The following DCC variants were observed in gnomAD, a reference collection of about 807,000 sequenced individuals.
DCC encodes the protein netrin receptor DCC.
Under a neutral mutation model 172.5 loss-of-function variants are expected in DCC, and 58 were observed. That is an observed-to-expected ratio of 0.34 (90% CI 0.27 to 0.42). DCC has a LOEUF of 0.42. Ranked by LOEUF, DCC falls within the 10% of genes least tolerant of loss-of-function variation. The pLI is 1.00. For synonymous variants in DCC, 709 were observed against 644.5 expected, an observed-to-expected ratio of 1.10 and a Z score of -1.52; for missense variants, 1,740 against 1,791.0, an observed-to-expected ratio of 0.97 and a Z score of 0.51.
At chr18:52,860,804 C>T (rs1467716547) in intron 2 of DCC, among the ~76,000 whole-genome samples, 3 of 152,078 alleles carry the variant, frequency 2.0e-5, no homozygotes, top group African/African-American at 7.2e-5. Context: ...CCGAGACCAT[C>T]CTGGCTAACA....
At chr18:52,680,042 G>A (rs1377885561) in intron 1 of DCC, among the ~76,000 whole-genome samples, 1 of 152,062 alleles carries the variant, frequency 6.6e-6, no homozygotes, top group Non-Finnish European at 1.5e-5. Flanking sequence ...TAAAATACAT[G>A]TATTATGTGG....
intron 12 of DCC, among the ~76,000 whole-genome samples, chr18:53,221,761 T>C (rs2055935761): frequency 6.6e-6 from 1 of 152,208 alleles, no homozygotes; most frequent in Non-Finnish European, 1.5e-5. Flanking sequence ...ATCCCCTTTC[T>C]TATAGAGAAA....
chr18:52,935,545 C>T (rs965171384), intron 5 of DCC, among the ~76,000 whole-genome samples: 7 of 151,960 alleles, frequency 4.6e-5, no homozygotes, highest in Non-Finnish European at 8.8e-5. Context: ...ATTGATATGG[C>T]TTTTTTCCTT....
In DCC at chr18:53,261,924, C is replaced by G. The variant is rs1435536339; in HGVS notation, c.1912-43654C>G. On this transcript the variant is annotated intron_variant, in intron 12 of 28. Transcript: ENST00000442544. ...GCTATCAGCACCTGGGAACGTTTCTCAGAAGAAATGTTTAATAGGGACTTA... is the reference window on the plus strand; with the variant it reads ...GCTATCAGCACCTGGGAACGTTTCTGAGAAGAAATGTTTAATAGGGACTTA... Among the ~76,000 whole-genome samples, 3 of 152,118 alleles carry G rather than the reference C, an allele frequency of 2.0e-5. No homozygotes were observed. The South Asian group carries it at 6.2e-4, about 31-fold the overall frequency.
intron 9 of DCC, among the ~76,000 whole-genome samples, chr18:53,190,117 G>A (rs1568355667): frequency 6.6e-6 from 1 of 152,154 alleles, no homozygotes; most frequent in East Asian, 1.9e-4. Context: ...GCAGACACCA[G>A]GTTTCTCCAT....
chr18:53,030,715 T>C (rs375913749), intron 5 of DCC, among the ~76,000 whole-genome samples: 84 of 152,298 alleles, frequency 5.5e-4, no homozygotes, highest in East Asian at 3.7e-3. Flanking sequence ...TTGGGCATCA[T>C]CCTGGTGGGA....
At chr18:53,159,009 G>GA (rs2054793624) in intron 8 of DCC, among the ~76,000 whole-genome samples, 2 of 52,926 alleles carry the variant, frequency 3.8e-5, no homozygotes, top group Admixed American at 6.0e-4. Context: ...AAAAAAAGAA[G>GA]AAGATGTAGG....
chr18:53,407,635 T>C (rs1909752109), intron 19 of DCC, among the ~76,000 whole-genome samples: 1 of 149,266 alleles, frequency 6.7e-6, no homozygotes, highest in Admixed American at 6.7e-5. Context: ...ATATTTCATA[T>C]ATATCTATAA....
intron 7 of DCC, among the ~76,000 whole-genome samples, chr18:53,090,127 G>A (rs1014339610): frequency 6.6e-6 from 1 of 152,098 alleles, no homozygotes; most frequent in African/African-American, 2.4e-5. Context: ...TCTAATGAAA[G>A]TCATTATCCC....
intron 11 of DCC, among the ~76,000 whole-genome samples, chr18:53,208,327 GA>G (rs1167507083): frequency 2.6e-5 from 4 of 151,568 alleles, no homozygotes; most frequent in Non-Finnish European, 5.9e-5. Flanking sequence ...ATATACTCTT[GA>G]GTCAGTATAT....
chr18:53,493,640 A>G lies in DCC; in HGVS notation c.3899-5658A>G, dbSNP rs114421735. ...CCCTTTATCATTGTTGATTGTGCCT[A>G]TTTGATTCTTCTCTCTTTTCTTCTT... is the stretch of plus-strand genomic sequence containing the variant. On this transcript the variant is annotated intron_variant, in intron 26 of 28. Transcript: ENST00000442544. 1.7e-3 allele frequency among the ~76,000 whole-genome samples: 257 copies of G among 152,178 alleles called. 1 individual carries two copies. The highest frequency in any genetic ancestry group is 5.8e-3 in the African/African-American group (241 of 41,516).
intron 2 of DCC, among the ~76,000 whole-genome samples, chr18:52,889,140 GA>G (rs2039611872): frequency 6.6e-6 from 1 of 151,960 alleles, no homozygotes; most frequent in South Asian, 2.1e-4. Context: ...TAATATATAA[GA>G]TATGGAACTA....
At chr18:52,700,280 GCACACACA>G (rs2036095664) in intron 1 of DCC, among the ~76,000 whole-genome samples, 2 of 75,806 alleles carry the variant, frequency 2.6e-5, no homozygotes, top group African/African-American at 5.4e-5. Context: ...GTGCACACAT[GCACACACA>G]TGCACATCCA....
intron 1 of DCC, among the ~76,000 whole-genome samples, chr18:52,546,038 T>G (rs894757722): frequency 6.6e-6 from 1 of 152,210 alleles, no homozygotes. Context: ...TGGAATACTA[T>G]TTTAGGTCCT....
chr18:52,740,294 T>C (rs1222222786), intron 1 of DCC, among the ~76,000 whole-genome samples: 1 of 152,164 alleles, frequency 6.6e-6, no homozygotes, highest in Non-Finnish European at 1.5e-5. Flanking sequence ...TAAAACTCAT[T>C]GGTGCTTAGT....
At position 53,063,401 on chromosome 18, in the gene DCC, C is replaced by T; in HGVS notation, c.1082C>T (p.Thr361Ile). The change falls in exon 6 of 29, where the codon ACT becomes ATT. Residue 361 changes from threonine to isoleucine, a missense_variant. Coordinates refer to ENST00000442544, the MANE Select transcript of DCC (RefSeq NM_005215.4). Reference protein sequence around the residue: ...ECTVSGKPVPTVNWMKNGDVV... With the variant: ...ECTVSGKPVPIVNWMKNGDVV... ...ACAGTCTCTGGAAAGCCTGTGCCCA[C>T]TGTGAATTGGATGAAGAATGGAGAT... 1 of 1,612,362 alleles carries T rather than the reference C, an allele frequency of 6.2e-7. No homozygotes were observed. The highest frequency in any genetic ancestry group is 8.5e-7 in the Non-Finnish European group (1 of 1,178,664).
intron 2 of DCC, among the ~76,000 whole-genome samples, chr18:52,783,383 A>G (rs951749997): frequency 1.7e-5 from 2 of 117,292 alleles, no homozygotes; most frequent in South Asian, 2.6e-4. Context: ...GTTGAAGTAC[A>G]TAAAAATGCT....
intron 1 of DCC, among the ~76,000 whole-genome samples, chr18:52,479,589 C>T (rs947016629): frequency 7.0e-6 from 1 of 142,702 alleles, no homozygotes; most frequent in Non-Finnish European, 1.6e-5. Flanking sequence ...CACCCCCCCC[C>T]CGTCTCCCTT....
rs995767654 is a variant in DCC at position 53,033,395 on chromosome 18, T to C, written c.986-29910T>C. ...AAGCACTGTGAGATGGGTGACTCTT[T>C]CGCAATGTTTCCTTTCTCCTCATTC... On this transcript the variant is annotated intron_variant, in intron 5 of 28. Coordinates refer to ENST00000442544, the MANE Select transcript of DCC (RefSeq NM_005215.4). Among the ~76,000 whole-genome samples, 12 of 152,170 alleles carry C rather than the reference T, an allele frequency of 7.9e-5. 1 individual carries two copies. Among genetic ancestry groups the C allele is most frequent in the Admixed American group, 7.9e-4 (12 of 15,258 alleles).
Sources: allele counts gnomAD v4.1 joint callset (sites outside exome capture counted in the v4.1 genomes callset), GRCh38; gene constraint gnomAD v4.1.1; transcripts MANE v1.5; gene names NCBI Gene and HGNC (gene_info 2026-07-23, HGNC 2026-07-21).